CCDC171: variants seen among roughly 807,000 people sequenced by gnomAD.
CCDC171 encodes coiled-coil domain-containing protein 171.
Under a neutral mutation model 168.2 loss-of-function variants are expected in CCDC171, and 177 were observed. The ratio of observed to expected loss-of-function variants is 1.05; its 90% CI spans 0.93 to 1.19. The LOEUF (loss-of-function observed/expected upper bound fraction) is 1.19. Ranked by LOEUF, CCDC171 falls within the 50% of genes most tolerant of loss-of-function variation. The probability of loss-of-function intolerance (pLI) is 0.00; values close to 1 mark genes in which losing one functional copy is unlikely to be tolerated. For missense variants in CCDC171, 1,991 were observed against 1,539.0 expected, an observed-to-expected ratio of 1.29 and a Z score of -4.91; for synonymous variants, 687 against 540.8, an observed-to-expected ratio of 1.27 and a Z score of -3.75.
intron 21 of CCDC171, among the ~76,000 whole-genome samples, chr9:15,810,736 G>A (rs895933517): frequency 6.6e-5 from 10 of 152,156 alleles, no homozygotes; most frequent in African/African-American, 2.2e-4. Context: ...CGGAACTCGC[G>A]CTGCCCTGTG....
At chr9:15,573,625 A>G (rs1239425277) in intron 3 of CCDC171, among the ~76,000 whole-genome samples, 5 of 122,318 alleles carry the variant, frequency 4.1e-5, no homozygotes, top group African/African-American at 1.1e-4. Flanking sequence ...AATTGCTTCT[A>G]TTTACATTGT....
chr9:15,667,969 GTATTCAAATAT>G (rs2048850983), intron 9 of CCDC171, among the ~76,000 whole-genome samples: 1 of 151,976 alleles, frequency 6.6e-6, no homozygotes, highest in African/African-American at 2.4e-5. Context: ...ACATTTGAAT[GTATTCAAATAT>G]TATTCAAATA....
chr9:16,037,457 A>C (rs368272109), intron 8 of CCDC171, among the ~76,000 whole-genome samples: 118 of 152,322 alleles, frequency 7.7e-4, no homozygotes, highest in African/African-American at 2.6e-3. Flanking sequence ...AATTATGAAG[A>C]ATATTAGGAA....
intron 3 of CCDC171, among the ~76,000 whole-genome samples, chr9:15,988,705 A>G (rs2382546): frequency 0.49 from 75,116 of 151,890 alleles, 19,955 homozygotes; most frequent in African/African-American, 0.7. Context: ...CAGACGGCAC[A>G]TGGAAAATCG....
intron 3 of CCDC171, among the ~76,000 whole-genome samples, chr9:16,012,997 A>G (rs1166511246): frequency 6.6e-6 from 1 of 152,170 alleles, no homozygotes; most frequent in East Asian, 1.9e-4. Context: ...CTCAAGCTGA[A>G]GTCTGACACC....
the CCDC171 span, among the ~76,000 whole-genome samples, chr9:16,087,556 G>A: frequency 9.2e-6 from 1 of 109,034 alleles, no homozygotes; most frequent in Non-Finnish European, 1.7e-5. Context: ...TGCAACTCCT[G>A]CTTTTTTTTT....
At chr9:15,582,759 A>G (rs1252066197) in intron 4 of CCDC171, among the ~76,000 whole-genome samples, 1 of 151,950 alleles carries the variant, frequency 6.6e-6, no homozygotes, top group Non-Finnish European at 1.5e-5. Context: ...AGGGAGGGGA[A>G]CATCACACAC....
At chr9:15,601,301 G>A (rs1046041248) in intron 6 of CCDC171, among the ~76,000 whole-genome samples, 3 of 152,222 alleles carry the variant, frequency 2.0e-5, no homozygotes, top group South Asian at 2.1e-4. Flanking sequence ...TTTTTTGAGA[G>A]TAAAAGCTGG....
chr9:15,676,170 A>G (rs562702667), intron 9 of CCDC171, among the ~76,000 whole-genome samples: 55 of 152,010 alleles, frequency 3.6e-4, no homozygotes, highest in African/African-American at 1.3e-3. Context: ...CGAATTGGCT[A>G]TTGAAGCTTG....
intron 18 of CCDC171, among the ~76,000 whole-genome samples, chr9:15,769,718 G>C (rs767941566): frequency 6.6e-6 from 1 of 152,132 alleles, no homozygotes; most frequent in African/African-American, 2.4e-5. Flanking sequence ...CAGTGCAGCC[G>C]GCCAAGTGAA....
At chr9:15,939,906 A>G (rs775675210) in intron 25 of CCDC171, among the ~76,000 whole-genome samples, 14 of 151,902 alleles carry the variant, frequency 9.2e-5, no homozygotes, top group Non-Finnish European at 1.9e-4. Flanking sequence ...GCAAAAAATA[A>G]TGAAAAGGGA....
chr9:15,727,979 A>C lies in CCDC171; in HGVS notation c.1803A>C (p.Ala601=). ...AATTCTCTTGGTCTGAGCTTTGTGC[A>C]GTCTTACAGGAGAATGTTGATGCCC... ...LDKFSWSELC[A]VLQENVDALI... The change falls in exon 15 of 26, where the codon GCA becomes GCC. Residue 601 remains alanine (A), a synonymous_variant. Transcript: ENST00000380701. 12 of 1,613,394 alleles carry C rather than the reference A, an allele frequency of 7.4e-6. No individual in the cohort carries two copies. The highest frequency in any genetic ancestry group is 1.0e-5 in the Non-Finnish European group (12 of 1,179,598).
intron 4 of CCDC171, among the ~76,000 whole-genome samples, chr9:15,582,699 G>T (rs148211292): frequency 6.6e-6 from 1 of 151,776 alleles, no homozygotes; most frequent in South Asian, 2.1e-4. Flanking sequence ...ACCAAACAGC[G>T]CATGTTCTCA....
In CCDC171 at chr9:16,052,431, C is replaced by A. The variant is rs1020047998; in HGVS notation, n.90-8215C>A. 5.9e-5 allele frequency among the ~76,000 whole-genome samples: 9 copies of A among 152,192 alleles called. No homozygotes were observed. The East Asian group carries it at 1.3e-3, about 23-fold the overall frequency. Reference sequence around the variant, plus strand: ...CAGCACTCTCAGGCCCAAGATACCCCTGGGTTACACATGTGCGGCCTCCTT... The same window carrying A: ...CAGCACTCTCAGGCCCAAGATACCCATGGGTTACACATGTGCGGCCTCCTT... On this transcript the variant is annotated intron_variant and non_coding_transcript_variant, in intron 1 of 1. Transcript: ENST00000478913.
rs2059769397 is a variant in CCDC171 at position 15,821,505 on chromosome 9, C to A, written c.3268-25197C>A. Among the ~76,000 whole-genome samples the A allele has an allele frequency of 1.7e-5, 2 of 117,724 alleles. 1 individual carries two copies. Among genetic ancestry groups the A allele is most frequent in the Non-Finnish European group, 3.8e-5 (2 of 52,424 alleles). The allele number at this position is 117,724 out of a possible 152,430, so 77.2% of individuals were successfully genotyped here. ...TCAGCAAAGTCTCAGGATACAAAAT[C>A]AATGTGCAAAAGTCACAAGCATTCT... On this transcript the variant is annotated intron_variant, in intron 21 of 25. Transcript: ENST00000380701.
chr9:15,943,841 G>GAGTT (rs1827991526), intron 25 of CCDC171, among the ~76,000 whole-genome samples: 1 of 151,914 alleles, frequency 6.6e-6, no homozygotes, highest in Non-Finnish European at 1.5e-5. Flanking sequence ...GTGCAATAAG[G>GAGTT]TGATAAATGC....
chr9:15,799,425 TC>T (rs1462593729), intron 21 of CCDC171, among the ~76,000 whole-genome samples: 1 of 151,162 alleles, frequency 6.6e-6, no homozygotes, highest in Non-Finnish European at 1.5e-5. Flanking sequence ...TGTCTTTTTT[TC>T]CCCTCAGGTT....
chr9:15,866,857 C>T (rs1464076142), intron 23 of CCDC171, among the ~76,000 whole-genome samples: 1 of 152,024 alleles, frequency 6.6e-6, no homozygotes, highest in East Asian at 1.9e-4. Flanking sequence ...TGGCATCTAT[C>T]ACTGTGCCTG....
intron 18 of CCDC171, among the ~76,000 whole-genome samples, chr9:15,756,284 T>G (rs1382449349): frequency 6.6e-6 from 1 of 152,094 alleles, no homozygotes; most frequent in Non-Finnish European, 1.5e-5. Context: ...TCAGAAAACT[T>G]GAAAAAAATG....
Sources: allele counts gnomAD v4.1 joint callset (sites outside exome capture counted in the v4.1 genomes callset), GRCh38; gene constraint gnomAD v4.1.1; transcripts MANE v1.5; gene names NCBI Gene and HGNC (gene_info 2026-07-23, HGNC 2026-07-21).